Variants in SCN11A observed in about 807,000 individuals in gnomAD.
SCN11A encodes sodium voltage-gated channel alpha subunit 11.
A neutral mutation model predicts 162.2 loss-of-function variants in SCN11A; 122 were observed. The observed-to-expected ratio is 0.75, with a 90% confidence interval of 0.65 to 0.87. SCN11A has a LOEUF of 0.87. Ranked by LOEUF, SCN11A falls within the 40% of genes least tolerant of loss-of-function variation. SCN11A has a pLI of 0.00. For missense variants in SCN11A, 2,015 were observed against 2,181.6 expected, an observed-to-expected ratio of 0.92 and a Z score of 1.52; for synonymous variants, 758 against 751.5, an observed-to-expected ratio of 1.01 and a Z score of -0.14.
At chr3:38,896,822 T>TG (rs397738431) in intron 18 of SCN11A, 23 bp downstream of exon 18, 2 of 1,438,346 alleles carry the variant, frequency 1.4e-6, no homozygotes, top group Admixed American at 2.6e-5. Flanking sequence ...TTTTTTTTTT[T>TG]GAAAAAAATC....
chr3:38,899,248 C>T (rs1354882467), intron 17 of SCN11A, among the ~76,000 whole-genome samples: 3 of 152,152 alleles, frequency 2.0e-5, no homozygotes, highest in Non-Finnish European at 4.4e-5. Flanking sequence ...GTGCATGTAG[C>T]CCAGTCTTGT....
intron 2 of SCN11A, among the ~76,000 whole-genome samples, chr3:39,004,203 T>C (rs1419439407): frequency 3.3e-5 from 5 of 152,212 alleles, no homozygotes; most frequent in Non-Finnish European, 1.5e-5. Context: ...TTGTATATGG[T>C]GTAAGGAAGG....
At chr3:38,924,534 T>G (rs1286344650) in intron 9 of SCN11A, among the ~76,000 whole-genome samples, 3 of 151,992 alleles carry the variant, frequency 2.0e-5, no homozygotes, top group Admixed American at 1.3e-4. Flanking sequence ...CCACCACACC[T>G]GATTACTTTT....
chr3:39,017,429 G>A (rs911293452), intron 2 of SCN11A, among the ~76,000 whole-genome samples: 1 of 152,220 alleles, frequency 6.6e-6, no homozygotes, highest in African/African-American at 2.4e-5. Context: ...TTGCTTTTCT[G>A]TAATGCCTTT....
In SCN11A at chr3:38,922,526, CCTG is replaced by C. The variant is rs371573298; in HGVS notation, c.713-1274_713-1272del. On this transcript the variant is annotated intron_variant, in intron 9 of 29. Coordinates refer to ENST00000302328, the MANE Select transcript of SCN11A (RefSeq NM_001349253.2). ...TGGGCCAAAATAGAGACTATATTCA[CCTG>C]TGTGGAGATGAAGACGGGGACATGA... Among the ~76,000 whole-genome samples, 51 of 152,294 alleles carry C rather than the reference CCTG, an allele frequency of 3.3e-4. No individual in the cohort carries two copies. In the East Asian group the frequency reaches 7.5e-3, roughly 22 times the overall value.
At chr3:38,885,572 G>A (rs1016775143) in intron 20 of SCN11A, among the ~76,000 whole-genome samples, 170 bp from the exon 21 acceptor site, 13 of 152,178 alleles carry the variant, frequency 8.5e-5, no homozygotes, top group African/African-American at 3.1e-4. Context: ...TTTTCTAAGT[G>A]CTATGACCAG....
chr3:38,873,513 A>G (rs1318442510), intron 23 of SCN11A, among the ~76,000 whole-genome samples: 1 of 152,012 alleles, frequency 6.6e-6, no homozygotes, highest in Non-Finnish European at 1.5e-5. Context: ...ACTTTTGGAG[A>G]GTTATTTAAG....
rs750419712 is a variant in SCN11A, at chr3:38,846,807, C to A, written c.5263G>T (p.Asp1755Tyr). The change falls in exon 30 of 30, where the codon GAC becomes TAC. Residue 1755 changes from aspartate to tyrosine, a missense_variant. Coordinates refer to ENST00000302328, the MANE Select transcript of SCN11A (RefSeq NM_001349253.2). ...TCCAAGTCATTTTGGTCACCTTGGT[C>A]ACCCTTGGTCACCTTCATCATGTAC... ...RKYMMKVTKG[D>Y]QGDQNDLENG... 1 of 1,614,008 alleles carries A rather than the reference C, an allele frequency of 6.2e-7. No homozygotes were observed.
chr3:38,972,324 G>A (rs188705497), intron 2 of SCN11A, among the ~76,000 whole-genome samples: 3 of 152,170 alleles, frequency 2.0e-5, no homozygotes, highest in African/African-American at 7.2e-5. Context: ...AGCTTCCTCC[G>A]GTGACCCAGG....
intron 7 of SCN11A, among the ~76,000 whole-genome samples, chr3:38,934,480 C>T (rs1559542171): frequency 2.0e-5 from 3 of 151,784 alleles, no homozygotes. Flanking sequence ...CAGGAAAAAA[C>T]CCATCTCATG....
rs764223466 is a variant in SCN11A, at chr3:38,850,610, G to A, written c.4198C>T (p.His1400Tyr). The A allele has an allele frequency of 3.1e-6, 5 of 1,613,848 alleles. No homozygotes were observed. In the Admixed American group the frequency reaches 5.0e-5, roughly 16 times the overall value. Residue 1400 changes from histidine to tyrosine, a missense_variant, in exon 29 of 30, where the codon CAT becomes TAT. By Grantham distance (83) the His-to-Tyr change is moderately conservative. Transcript: ENST00000302328. Reference sequence around the variant, plus strand: ...ATGACCACAAAGACCCAGTTGAGATGGTCAAGGATGGATTTCATGGCTTTG... The same window carrying A: ...ATGACCACAAAGACCCAGTTGAGATAGTCAAGGATGGATTTCATGGCTTTG... ...QPKAMKSILD[H>Y]LNWVFVVIFT...
intron 7 of SCN11A, among the ~76,000 whole-genome samples, chr3:38,944,574 C>T (rs563477212): frequency 1.5e-3 from 225 of 152,128 alleles, no homozygotes; most frequent in African/African-American, 5.3e-3. Context: ...GATCCACCCG[C>T]CTTGGCCTCC....
chr3:38,888,203 G>A (rs2065434848), intron 19 of SCN11A, among the ~76,000 whole-genome samples: 2 of 152,218 alleles, frequency 1.3e-5, no homozygotes, highest in African/African-American at 4.8e-5. Flanking sequence ...CATACGTAGG[G>A]AGACAGGAAG....
At chr3:38,931,485 G>T (rs892400438) in intron 7 of SCN11A, among the ~76,000 whole-genome samples, 1 of 152,222 alleles carries the variant, frequency 6.6e-6, no homozygotes, top group Non-Finnish European at 1.5e-5. Context: ...AAAAGGTAGG[G>T]TGGAAGTGAC....
At chr3:38,957,380 A>G (rs1235103696) in intron 3 of SCN11A, among the ~76,000 whole-genome samples, 1 of 152,180 alleles carries the variant, frequency 6.6e-6, no homozygotes, top group African/African-American at 2.4e-5. Flanking sequence ...GATTGTGAAA[A>G]TCCTTCAGGG....
intron 3 of SCN11A, among the ~76,000 whole-genome samples, chr3:38,955,741 C>A (rs1312875616): frequency 1.3e-5 from 2 of 152,204 alleles, no homozygotes; most frequent in Non-Finnish European, 2.9e-5. Flanking sequence ...TTTTCAGATT[C>A]TGAATGACTC....
chr3:38,925,206 G>A (rs771595534), intron 9 of SCN11A, among the ~76,000 whole-genome samples: 12 of 150,414 alleles, frequency 8.0e-5, no homozygotes, highest in South Asian at 2.1e-4. Flanking sequence ...CCATGAGTCC[G>A]TATCCATTTG....
At chr3:38,934,943 C>T (rs1393988897) in intron 7 of SCN11A, among the ~76,000 whole-genome samples, 1 of 151,194 alleles carries the variant, frequency 6.6e-6, no homozygotes, top group Admixed American at 6.6e-5. Context: ...CAGCACCACA[C>T]CACACCTATT....
chr3:39,002,277 C>T (rs1253576494), intron 2 of SCN11A, among the ~76,000 whole-genome samples: 2 of 152,178 alleles, frequency 1.3e-5, no homozygotes. Flanking sequence ...AAATGAGAAA[C>T]AAATATTGTG....
Sources: gnomAD v4.1 joint callset for allele counts (sites outside exome capture counted in the v4.1 genomes callset) on GRCh38, gnomAD v4.1.1 for gene constraint, MANE v1.5 for transcripts, NCBI Gene and HGNC (gene_info 2026-07-23, HGNC 2026-07-21) for gene names.